Variants in ST3GAL3 observed in about 807,000 individuals in gnomAD.
ST3GAL3 encodes CMP-N-acetylneuraminate-beta-1,4-galactoside alpha-2,3-sialyltransferase.
In ST3GAL3, 21 loss-of-function variants were observed where a neutral mutation model predicts 50.1. The observed-to-expected ratio is 0.42, with a 90% CI of 0.30 to 0.60. The LOEUF (loss-of-function observed/expected upper bound fraction) is 0.60. ST3GAL3 is among the 20% of genes least tolerant of loss of function. ST3GAL3 has a pLI of 0.19. For missense variants in ST3GAL3, 353 were observed against 489.4 expected (o/e 0.72, Z 2.63); for synonymous variants, 183 against 190.0 (o/e 0.96, Z 0.30).
intron 3 of ST3GAL3, among the ~76,000 whole-genome samples, chr1:43,809,918 G>A (rs961741593): frequency 1.4e-4 from 21 of 151,180 alleles, no homozygotes; most frequent in African/African-American, 2.7e-4. Context: ...TATTGAACCC[G>A]GGAGGTGGAG....
chr1:43,723,003 G>A (rs529277148), intron 1 of ST3GAL3, among the ~76,000 whole-genome samples: 2 of 152,218 alleles, frequency 1.3e-5, no homozygotes, highest in African/African-American at 4.8e-5. Context: ...TTGGGTCATG[G>A]GGGCGGATCC....
At chr1:43,848,733 C>T (rs975781310) in intron 5 of ST3GAL3, among the ~76,000 whole-genome samples, 26 of 152,200 alleles carry the variant, frequency 1.7e-4, no homozygotes, top group African/African-American at 6.3e-4. Context: ...TACATATTTT[C>T]TCAAATATTT....
chr1:43,829,103 A>G (rs1006237499), intron 4 of ST3GAL3, among the ~76,000 whole-genome samples: 11 of 152,156 alleles, frequency 7.2e-5, no homozygotes, highest in Non-Finnish European at 1.0e-4. Flanking sequence ...CTGTTAAAAA[A>G]AAAAACACTA....
At chr1:43,847,906 T>G (rs775562450) in intron 5 of ST3GAL3, among the ~76,000 whole-genome samples, 1 of 152,332 alleles carries the variant, frequency 6.6e-6, no homozygotes, top group Middle Eastern at 3.4e-3. Flanking sequence ...AAATACGTAT[T>G]TCCATATGGT....
At chr1:43,815,171 A>C (rs1299929524) in intron 4 of ST3GAL3, among the ~76,000 whole-genome samples, 2 of 152,204 alleles carry the variant, frequency 1.3e-5, no homozygotes, top group Non-Finnish European at 2.9e-5. Flanking sequence ...AGCTCATTAT[A>C]GAAGGAGGCC....
intron 3 of ST3GAL3, chr1:43,801,201 G>A: frequency 2.2e-6 from 1 of 449,666 alleles, no homozygotes; most frequent in South Asian, 1.6e-5. Flanking sequence ...CCTCAATAAT[G>A]CTCCTTAAAT....
intron 5 of ST3GAL3, chr1:43,851,221 C>T: frequency 6.5e-7 from 1 of 1,544,512 alleles, no homozygotes; most frequent in South Asian, 1.1e-5. Context: ...CTGGGTTCAC[C>T]TTATAGGGCA....
At chr1:43,736,648 A>C in intron 2 of ST3GAL3, 1 of 552,268 alleles carries the variant, frequency 1.8e-6, no homozygotes, top group South Asian at 1.9e-5. Flanking sequence ...AACCCAAACT[A>C]TACTCATACT....
chr1:43,854,566 C>T (rs912419487), intron 5 of ST3GAL3, among the ~76,000 whole-genome samples: 1 of 152,164 alleles, frequency 6.6e-6, no homozygotes, highest in Non-Finnish European at 1.5e-5. Context: ...CTCCTCTCTT[C>T]TCACTCCACT....
rs766585949 is a variant in ST3GAL3 at position 43,931,152 on chromosome 1, T to G, written c.*931T>G. Reference sequence around the variant, plus strand: ...CACCCCCATGGAAGCAATAAAGCTCTTCCCTGAGCCTGGCCTCTTTTTGCC... The same window carrying G: ...CACCCCCATGGAAGCAATAAAGCTCGTCCCTGAGCCTGGCCTCTTTTTGCC... On this transcript the variant is annotated 3_prime_UTR_variant, in exon 12 of 12. Transcript: ENST00000347631. 6.5e-5 allele frequency: 10 copies of G among 152,734 alleles called. No individual in the cohort carries two copies. The highest frequency in any genetic ancestry group is 3.9e-4 in the Admixed American group (6 of 15,284). The allele number at this position is 152,734 out of a possible 1,614,324, so 9.5% of individuals were successfully genotyped here.
At chr1:43,762,001 C>T (rs1367576504) in intron 2 of ST3GAL3, among the ~76,000 whole-genome samples, 1 of 144,374 alleles carries the variant, frequency 6.9e-6, no homozygotes, top group Non-Finnish European at 1.5e-5. Context: ...CTTGGTGGCT[C>T]ATACCTGCAA....
At position 43,708,297 on chromosome 1, in the gene ST3GAL3, A is replaced by T. The variant is rs531366445; in HGVS notation, c.-31+604A>T. Among the ~76,000 whole-genome samples, 485 of 152,274 alleles carry T rather than the reference A, an allele frequency of 3.2e-3. 2 individuals are homozygous for T. The highest frequency in any genetic ancestry group is 0.011 in the African/African-American group (463 of 41,546). ...ACATTTTGGATTCCTTTTTACAACA[A>T]TGTCCATTTTTATGATTCCTCAGTA... is the stretch of plus-strand genomic sequence containing the variant. On this transcript the variant is annotated intron_variant, in intron 1 of 11. Transcript: ENST00000347631.
At chr1:43,832,773 T>G (rs1354997180) in intron 4 of ST3GAL3, among the ~76,000 whole-genome samples, 1 of 152,224 alleles carries the variant, frequency 6.6e-6, no homozygotes, top group East Asian at 1.9e-4. Context: ...CGAAGCTGCT[T>G]CTGCCATTTC....
intron 5 of ST3GAL3, among the ~76,000 whole-genome samples, chr1:43,865,317 C>T (rs758283877): frequency 2.0e-5 from 3 of 152,164 alleles, no homozygotes; most frequent in Admixed American, 1.3e-4. Context: ...CATGCCCGGT[C>T]ATAACATTCT....
intron 2 of ST3GAL3, among the ~76,000 whole-genome samples, chr1:43,759,550 T>C (rs150911024): frequency 8.4e-4 from 128 of 152,360 alleles, no homozygotes; most frequent in South Asian, 7.2e-3. Flanking sequence ...GAGCTGTGCT[T>C]ATAAGACTTA....
At chr1:43,815,402 G>T (rs2061110327) in intron 4 of ST3GAL3, among the ~76,000 whole-genome samples, 1 of 152,164 alleles carries the variant, frequency 6.6e-6, no homozygotes, top group Non-Finnish European at 1.5e-5. Context: ...GCATGTGCTT[G>T]TTATCTGTGC....
At chr1:43,869,518 G>A (rs546303558) in intron 5 of ST3GAL3, among the ~76,000 whole-genome samples, 1 of 152,300 alleles carries the variant, frequency 6.6e-6, no homozygotes, top group South Asian at 2.1e-4. Context: ...TTAACAGGGA[G>A]CATAGAAGGA....
chr1:43,923,730 C>T (rs1208990936), intron 11 of ST3GAL3, among the ~76,000 whole-genome samples: 1 of 152,108 alleles, frequency 6.6e-6, no homozygotes, highest in Non-Finnish European at 1.5e-5. Context: ...ATCCTCCCAC[C>T]TCAGCCTCCC....
At chr1:43,717,892 G>A (rs538695921) in intron 1 of ST3GAL3, among the ~76,000 whole-genome samples, 1 of 150,504 alleles carries the variant, frequency 6.6e-6, no homozygotes, top group East Asian at 2.0e-4. Context: ...TTTTAAATGA[G>A]ACGGAGTTTC....
Sources: allele counts gnomAD v4.1 joint callset (sites outside exome capture counted in the v4.1 genomes callset), GRCh38; gene constraint gnomAD v4.1.1; transcripts MANE v1.5; gene names NCBI Gene and HGNC (gene_info 2026-07-23, HGNC 2026-07-21).